The following USP10 variants were observed in gnomAD, a reference collection of about 807,000 sequenced individuals.
The protein encoded by USP10 is ubiquitin carboxyl-terminal hydrolase 10.
In USP10, 22 loss-of-function variants were observed where a neutral mutation model predicts 84.5. The observed-to-expected ratio is 0.26, with a 90% CI of 0.19 to 0.37. The LOEUF (loss-of-function observed/expected upper bound fraction) is 0.37, where lower values mean the gene tolerates loss of function less well. Ranked by LOEUF, USP10 falls within the 10% of genes least tolerant of loss-of-function variation. The pLI, the probability that USP10 is intolerant of heterozygous loss-of-function variation, is 1.00. For synonymous variants in USP10, 454 were observed against 387.6 expected, an observed-to-expected ratio of 1.17 and a Z score of -2.01; for missense variants, 1,019 against 998.9, an observed-to-expected ratio of 1.02 and a Z score of -0.27.
At chr16:84,748,132 C>T (rs75413199) in intron 4 of USP10, among the ~76,000 whole-genome samples, 10,514 of 105,146 alleles carry the variant, frequency 0.1, 545 homozygotes, top group Middle Eastern at 0.28. Flanking sequence ...CCAGCCTGGG[C>T]GACAGAGCCA....
chr16:84,775,156 C>T lies in USP10; in HGVS notation c.2144-4C>T. 6.2e-7 allele frequency: 1 copy of T among 1,613,598 alleles called. No homozygotes were observed. ...CTTCAAGCCATTGATATTTTGTTTT[C>T]CAGAACTGCTTTCTCCAGGGGTTAA... On this transcript the variant is annotated splice_region_variant and splice_polypyrimidine_tract_variant and intron_variant, in intron 12 of 13. Transcript: ENST00000219473.
At chr16:84,730,515 T>C (rs1909073130) in intron 1 of USP10, among the ~76,000 whole-genome samples, 1 of 152,132 alleles carries the variant, frequency 6.6e-6, no homozygotes, top group Non-Finnish European at 1.5e-5. Context: ...AATTTGAAAA[T>C]AATAGGAGAA....
intron 10 of USP10, among the ~76,000 whole-genome samples, chr16:84,766,545 A>G (rs1205504699): frequency 6.6e-6 from 1 of 152,246 alleles, no homozygotes; most frequent in Non-Finnish European, 1.5e-5. Context: ...GGAGAGAAAG[A>G]TGAATGGACA....
chr16:84,704,769 A>G, intron 1 of USP10: 1 of 1,535,232 alleles, frequency 6.5e-7, no homozygotes, highest in African/African-American at 1.4e-5. Context: ...TTTTCATCAG[A>G]TGACTTGAGA....
At position 84,759,924 on chromosome 16, in the gene USP10, A is replaced by G. The variant is rs753103390; in HGVS notation, c.1428A>G (p.Pro476=). ...TAATGAATGAGTTCACTAATATGCC[A>G]GTACCTCCAAAACCCCGACAAGGTT... ...VRLMNEFTNM[P]VPPKPRQALG... is the part of the protein sequence containing the mutation. The change falls in exon 7 of 14, where the codon CCA becomes CCG. Residue 476 remains proline, a synonymous_variant. Coordinates refer to ENST00000219473, the MANE Select transcript of USP10 (RefSeq NM_005153.3). The G allele has an allele frequency of 1.6e-5, 26 of 1,613,904 alleles. No homozygotes were observed. Among genetic ancestry groups the G allele is most frequent in the East Asian group, 4.5e-5 (2 of 44,894 alleles).
chr16:84,702,388 A>C lies in USP10; in HGVS notation c.21+2277A>C, dbSNP rs538406317. ...TTCTCATAATTTTCATTTTAAAAGA[A>C]TAGTAATGCAAACAAGTAATGGAAT... On this transcript the variant is annotated intron_variant, in intron 1 of 13. Transcript: ENST00000219473. 2.6e-5 allele frequency among the ~76,000 whole-genome samples: 4 copies of C among 152,266 alleles called. No homozygotes were observed. The South Asian group carries it at 8.3e-4, about 32-fold the overall frequency.
intron 1 of USP10, among the ~76,000 whole-genome samples, chr16:84,730,344 C>T (rs1909050060): frequency 6.6e-6 from 1 of 151,964 alleles, no homozygotes; most frequent in South Asian, 2.1e-4. Context: ...CTCTCGCTGT[C>T]TGTACCTAAA....
intron 1 of USP10, among the ~76,000 whole-genome samples, chr16:84,718,033 G>A (rs1907279670): frequency 6.6e-6 from 1 of 152,132 alleles, no homozygotes; most frequent in Non-Finnish European, 1.5e-5. Flanking sequence ...GAACAATGAT[G>A]AGAGAGAGAT....
intron 3 of USP10, among the ~76,000 whole-genome samples, chr16:84,743,996 A>G (rs189254519): frequency 5.4e-4 from 83 of 152,310 alleles, no homozygotes; most frequent in African/African-American, 1.8e-3. Flanking sequence ...AGACCAAGAG[A>G]TAGAGAATTC....
Position 84,775,222 on chromosome 16 carries a change from G to T in USP10, c.2206G>T (p.Ala736Ser). ...ATGCCACCGAACCTATCGGCTCTTT[G>T]CAGGTGAGTAAATTTGTACGACATT... ...FKCHRTYRLF[A>S]VVYHHGNSAT... The change falls in exon 13 of 14, where the codon GCA (alanine) becomes TCA (serine). Residue 736 changes from alanine to serine, a missense_variant. Physicochemically the swap from Ala to Ser is moderately conservative, Grantham distance 99 (BLOSUM62 1). Transcript: ENST00000219473. 1 of 1,613,394 alleles carries T rather than the reference G, an allele frequency of 6.2e-7. No individual in the cohort carries two copies. The highest frequency in any genetic ancestry group is 1.6e-4 in the Middle Eastern group (1 of 6,062).
chr16:84,741,767 G>GT (rs1007005309), intron 3 of USP10, among the ~76,000 whole-genome samples: 1 of 152,174 alleles, frequency 6.6e-6, no homozygotes, highest in Middle Eastern at 3.2e-3. Flanking sequence ...GGTATCTTGT[G>GT]TTTCCATGAC....
intron 1 of USP10, among the ~76,000 whole-genome samples, chr16:84,731,963 C>G (rs1214126833): frequency 2.6e-5 from 4 of 152,154 alleles, no homozygotes; most frequent in African/African-American, 9.7e-5. Context: ...AAGATCATTT[C>G]TGAACCATTT....
chr16:84,717,295 G>C (rs765741499), intron 1 of USP10, among the ~76,000 whole-genome samples: 4 of 152,110 alleles, frequency 2.6e-5, no homozygotes, highest in Admixed American at 1.3e-4. Context: ...CGGGAGGTCT[G>C]CTGCCACCCA....
intron 1 of USP10, among the ~76,000 whole-genome samples, chr16:84,705,029 C>T (rs1448089187): frequency 6.6e-6 from 1 of 152,212 alleles, no homozygotes; most frequent in East Asian, 1.9e-4. Flanking sequence ...AGTCCTCAGT[C>T]TCCTCCCCGT....
At chr16:84,773,190 C>T (rs1914633311) in intron 12 of USP10, among the ~76,000 whole-genome samples, 1 of 152,160 alleles carries the variant, frequency 6.6e-6, no homozygotes, top group Non-Finnish European at 1.5e-5. Flanking sequence ...TTTTAAAGAG[C>T]CCCAGGTTAA....
At chr16:84,716,677 G>A (rs866438984) in intron 1 of USP10, among the ~76,000 whole-genome samples, 16 of 152,288 alleles carry the variant, frequency 1.1e-4, no homozygotes, top group African/African-American at 3.4e-4. Flanking sequence ...AGGCTGATCA[G>A]CAGAATAATG....
intron 1 of USP10, among the ~76,000 whole-genome samples, chr16:84,718,647 C>G (rs1156911668): frequency 2.0e-5 from 3 of 151,818 alleles, no homozygotes; most frequent in Non-Finnish European, 4.4e-5. Context: ...ATACCAGCTA[C>G]TCGGAGGCTG....
chr16:84,712,849 C>G (rs943593152), intron 1 of USP10, among the ~76,000 whole-genome samples: 4 of 152,198 alleles, frequency 2.6e-5, no homozygotes, highest in Admixed American at 2.0e-4. Context: ...TGGTCTCTTT[C>G]TCAGCAAGTG....
chr16:84,774,713 C>A (rs941887703), intron 12 of USP10, among the ~76,000 whole-genome samples: 1 of 152,156 alleles, frequency 6.6e-6, no homozygotes, highest in Non-Finnish European at 1.5e-5. Flanking sequence ...CTCGTGATCG[C>A]CCGTCTCAGC....
Sources: gnomAD v4.1 joint callset for allele counts (sites outside exome capture counted in the v4.1 genomes callset) on GRCh38, gnomAD v4.1.1 for gene constraint, MANE v1.5 for transcripts, NCBI Gene and HGNC (gene_info 2026-07-23, HGNC 2026-07-21) for gene names.